The following MICU2 variants were observed in gnomAD, a reference collection of about 807,000 sequenced individuals.
MICU2 encodes calcium uptake protein 2, mitochondrial.
MICU2 carries 64 observed loss-of-function variants against 60.4 expected under a neutral mutation model. That is an observed-to-expected ratio of 1.06 (90% CI 0.87 to 1.31). The LOEUF (loss-of-function observed/expected upper bound fraction) is 1.31, where lower values mean the gene tolerates loss of function less well. MICU2 is among the 50% of genes most tolerant of loss of function. MICU2 has a pLI of 0.00. For synonymous variants in MICU2, 201 were observed against 175.0 expected, an observed-to-expected ratio of 1.15 and a Z score of -1.17; for missense variants, 569 against 531.0, an observed-to-expected ratio of 1.07 and a Z score of -0.70.
intron 4 of MICU2, chr13:21,531,343 T>G (rs1280772710): frequency 2.0e-6 from 3 of 1,488,034 alleles, no homozygotes; most frequent in African/African-American, 2.8e-5. Flanking sequence ...CCCGAAAAAC[T>G]TGATGGAATG....
intron 1 of MICU2, among the ~76,000 whole-genome samples, chr13:21,596,996 A>G (rs754467005): frequency 3.3e-5 from 5 of 152,244 alleles, no homozygotes; most frequent in African/African-American, 4.8e-5. Context: ...GCATCTCAAT[A>G]ATTGAAATGA....
chr13:21,540,972 T>C (rs1165023119), intron 2 of MICU2, among the ~76,000 whole-genome samples: 4 of 152,164 alleles, frequency 2.6e-5, no homozygotes, highest in Non-Finnish European at 2.9e-5. Flanking sequence ...ATTATTTCTA[T>C]GCTTGTCCTA....
chr13:21,603,788 G>A (rs1371472658), intron 1 of MICU2, 151 bp downstream of exon 1: 2 of 836,046 alleles, frequency 2.4e-6, no homozygotes, highest in East Asian at 3.0e-5. Flanking sequence ...AGGAAGGAGC[G>A]AGTCCCACCA....
Position 21,531,467 on chromosome 13 carries a change from C to A in MICU2, c.466+7835G>T, listed in dbSNP as rs982880965. 4.8e-6 allele frequency: 3 copies of A among 619,730 alleles called. No individual in the cohort carries two copies. In the African/African-American group the frequency reaches 5.6e-5, roughly 12 times the overall value. The allele number at this position is 619,730 out of a possible 1,614,324, so 38.4% of individuals were successfully genotyped here. On this transcript the variant is annotated intron_variant, in intron 4 of 11. Transcript: ENST00000382374. ...TATTGCTTTTTAACAAGAACTGATG[C>A]TCCTTGGGTGCTGCTGCTACTCAGA...
intron 6 of MICU2, among the ~76,000 whole-genome samples, chr13:21,518,213 G>A (rs1418312042): frequency 1.3e-5 from 2 of 152,156 alleles, no homozygotes; most frequent in East Asian, 3.8e-4. Flanking sequence ...TTTTAAAGTA[G>A]GTATGCATAA....
chr13:21,528,364 T>C (rs996625714), intron 4 of MICU2, among the ~76,000 whole-genome samples: 2 of 152,234 alleles, frequency 1.3e-5, no homozygotes, highest in African/African-American at 4.8e-5. Context: ...GAATCTTTTA[T>C]AAAATAAACA....
At chr13:21,591,209 A>G (rs968137466) in intron 1 of MICU2, among the ~76,000 whole-genome samples, 1 of 152,168 alleles carries the variant, frequency 6.6e-6, no homozygotes, top group African/African-American at 2.4e-5. Context: ...AAGCAAAAAA[A>G]AAAAGCAGGG....
intron 5 of MICU2, among the ~76,000 whole-genome samples, chr13:21,521,587 T>C (rs1457860972): frequency 6.6e-6 from 1 of 152,338 alleles, no homozygotes; most frequent in Non-Finnish European, 1.5e-5. Flanking sequence ...AATTAGTTTG[T>C]AGGCTTAATT....
intron 4 of MICU2, among the ~76,000 whole-genome samples, chr13:21,535,630 A>G (rs1887112231): frequency 1.3e-5 from 2 of 151,828 alleles, no homozygotes; most frequent in Non-Finnish European, 2.9e-5. Flanking sequence ...GCTAAGGCTC[A>G]GTTAATATTA....
intron 1 of MICU2, chr13:21,602,871 G>A (rs1888857076): frequency 6.6e-6 from 1 of 151,746 alleles, no homozygotes; most frequent in Non-Finnish European, 1.5e-5. Flanking sequence ...AAGCTCATAT[G>A]TAAAAACTTA....
chr13:21,601,124 C>T (rs1888805911), intron 1 of MICU2, among the ~76,000 whole-genome samples: 1 of 152,024 alleles, frequency 6.6e-6, no homozygotes, highest in Admixed American at 6.6e-5. Flanking sequence ...TATAGGGCCG[C>T]GTCAGGAAGA....
At chr13:21,583,394 T>C (rs556215970) in intron 1 of MICU2, among the ~76,000 whole-genome samples, 4 of 152,366 alleles carry the variant, frequency 2.6e-5, no homozygotes, top group African/African-American at 9.6e-5. Flanking sequence ...ATTGCCTTTG[T>C]ATTGCAACGG....
At chr13:21,517,789 ACACACACACACGCGCGCGCGCG>A (rs1886609205) in intron 6 of MICU2, among the ~76,000 whole-genome samples, 2 of 96,172 alleles carry the variant, frequency 2.1e-5, no homozygotes, top group Admixed American at 1.0e-4. Flanking sequence ...ACACACACAC[ACACACACACACGCGCGCGCGCG>A]CGCACACGCG....
Position 21,510,007 on chromosome 13 carries a change from C to T in MICU2, c.758G>A (p.Arg253Gln), listed in dbSNP as rs747785234. The change falls in exon 8 of 12, where the codon CGA becomes CAA. Residue 253 changes from arginine to glutamine, a missense_variant. By Grantham distance (43) the Arg-to-Gln change is conservative. Transcript: ENST00000382374. ...GAATGTAAATATTTGCATTTACCTTCGAAATTCTTTATAATGAAGTTTTCT... is the reference window on the plus strand; with the variant it reads ...GAATGTAAATATTTGCATTTACCTTTGAAATTCTTTATAATGAAGTTTTCT... ...GQRKLHYKEF[R>Q]RFMENLQTEI... The T allele has an allele frequency of 1.1e-5, 17 of 1,521,534 alleles. No homozygotes were observed. In the Middle Eastern group the frequency reaches 6.9e-4, roughly 62 times the overall value. 94.3% of individuals were successfully genotyped at this position (1,521,534 alleles called of 1,614,324 possible).
At chr13:21,531,748 C>T (rs1239352738) in intron 4 of MICU2, among the ~76,000 whole-genome samples, 3 of 152,170 alleles carry the variant, frequency 2.0e-5, no homozygotes, top group African/African-American at 7.2e-5. Flanking sequence ...CAGAGCTGGT[C>T]TGCACACTCA....
chr13:21,560,643 C>T (rs1382723355), intron 2 of MICU2, among the ~76,000 whole-genome samples: 1 of 152,142 alleles, frequency 6.6e-6, no homozygotes, highest in East Asian at 1.9e-4. Context: ...CACACACACA[C>T]ACGTGTGCAT....
At chr13:21,599,576 G>T (rs1261840754) in intron 1 of MICU2, among the ~76,000 whole-genome samples, 1 of 152,206 alleles carries the variant, frequency 6.6e-6, no homozygotes, top group African/African-American at 2.4e-5. Context: ...GCACTATTTT[G>T]TTGGCCAGGT....
rs1888881686 is a variant in MICU2, at chr13:21,603,746, G to A, written c.210+193C>T. The A allele has an allele frequency of 1.1e-5, 7 of 609,262 alleles. No individual in the cohort carries two copies. In the East Asian group the frequency reaches 1.9e-4, roughly 17 times the overall value. The allele number at this position is 609,262 out of a possible 1,614,324, so 37.7% of individuals were successfully genotyped here. ...AGAATCTCCGGTCACCAGCCTCGAAGGCCCTCGGGGACTCAGGCCGGGGGC... is the reference window on the plus strand; with the variant it reads ...AGAATCTCCGGTCACCAGCCTCGAAAGCCCTCGGGGACTCAGGCCGGGGGC... On this transcript the variant is annotated intron_variant, in intron 1 of 11. Transcript: ENST00000382374.
intron 1 of MICU2, 76 bp downstream of exon 1, chr13:21,603,863 C>A: frequency 6.5e-7 from 1 of 1,535,994 alleles, no homozygotes; most frequent in Non-Finnish European, 8.9e-7. Flanking sequence ...CGCCCAGAGC[C>A]AAACCACTCC....
Sources: gnomAD v4.1 joint callset for allele counts (sites outside exome capture counted in the v4.1 genomes callset) on GRCh38, gnomAD v4.1.1 for gene constraint, MANE v1.5 for transcripts, NCBI Gene and HGNC (gene_info 2026-07-23, HGNC 2026-07-21) for gene names.